RBPJ: variants seen among roughly 807,000 people sequenced by gnomAD.
The protein encoded by RBPJ is recombination signal binding protein for immunoglobulin kappa J region.
A neutral mutation model predicts 67.8 loss-of-function variants in RBPJ; 9 were observed. The observed-to-expected ratio is 0.13, with a 90% CI of 0.08 to 0.23. The LOEUF (loss-of-function observed/expected upper bound fraction) is 0.23, where lower values mean the gene tolerates loss of function less well. RBPJ is among the 10% of genes least tolerant of loss of function. The pLI is 1.00. For synonymous variants in RBPJ, 198 were observed against 203.3 expected, an observed-to-expected ratio of 0.97 and a Z score of 0.22; for missense variants, 305 against 595.6, an observed-to-expected ratio of 0.51 and a Z score of 5.08.
In RBPJ at chr4:26,286,429, C is replaced by T. The variant is rs576833526; in HGVS notation, c.-166-76017C>T. ...TCAAGGCTCTCGTGAGCTGTGGTCG[C>T]ACCACTGCACTCCAGCCTGTATGAA... On this transcript the variant is annotated intron_variant, in intron 1 of 4. Transcript: ENST00000512351. Among the ~76,000 whole-genome samples, 4 of 144,384 alleles carry T rather than the reference C, an allele frequency of 2.8e-5. No individual in the cohort carries two copies. The South Asian group carries it at 8.6e-4, about 31-fold the overall frequency. The allele number at this position is 144,384 out of a possible 152,430, so 94.7% of individuals were successfully genotyped here. A position where few individuals can be genotyped will look rare whatever the true frequency, so the allele number is the denominator to read the frequency against.
chr4:26,341,998 C>T (rs35323831), intron 1 of RBPJ, among the ~76,000 whole-genome samples: 63,581 of 152,006 alleles, frequency 0.42, 15,483 homozygotes, highest in Non-Finnish European at 0.53. Context: ...AAGCAGAGTT[C>T]TCACAGTGGC....
chr4:26,402,027 T>G (rs1486176341), intron 2 of RBPJ, among the ~76,000 whole-genome samples: 1 of 151,988 alleles, frequency 6.6e-6, no homozygotes, highest in African/African-American at 2.4e-5. Context: ...TAGCTGGGAT[T>G]TCAGGCATGT....
chr4:26,261,869 A>G (rs762135074), intron 1 of RBPJ, among the ~76,000 whole-genome samples: 13 of 152,244 alleles, frequency 8.5e-5, no homozygotes, highest in Non-Finnish European at 1.5e-4. Flanking sequence ...TCAGCCATTT[A>G]TACCAGAACT....
upstream of RBPJ, among the ~76,000 whole-genome samples, chr4:26,314,762 C>T (rs999564555): frequency 2.6e-5 from 4 of 152,114 alleles, no homozygotes; most frequent in African/African-American, 9.7e-5. Flanking sequence ...CTTTATTACC[C>T]AGTCTTAGGT....
chr4:26,338,104 TCATC>T (rs1725066269), intron 1 of RBPJ, among the ~76,000 whole-genome samples: 1 of 150,956 alleles, frequency 6.6e-6, no homozygotes, highest in Non-Finnish European at 1.5e-5. Context: ...TGTTTTTTTT[TCATC>T]TTCCTCACCC....
At chr4:26,221,343 G>C (rs1303356657) in intron 1 of RBPJ, among the ~76,000 whole-genome samples, 1 of 152,262 alleles carries the variant, frequency 6.6e-6, no homozygotes, top group South Asian at 2.1e-4. Flanking sequence ...ACCCGCCTCC[G>C]CCTCTCAAAG....
At chr4:26,274,420 G>A (rs548991030) in intron 1 of RBPJ, among the ~76,000 whole-genome samples, 11 of 152,308 alleles carry the variant, frequency 7.2e-5, no homozygotes, top group African/African-American at 2.6e-4. Context: ...GTGATCCCAG[G>A]AGTTCAAGAC....
chr4:26,431,204 A>G lies in RBPJ; in HGVS notation c.*197A>G, dbSNP rs1361284928. 1.4e-5 allele frequency: 6 copies of G among 426,870 alleles called. No individual in the cohort carries two copies. The highest frequency in any genetic ancestry group is 4.1e-5 in the African/African-American group (2 of 48,564). 26.4% of individuals were successfully genotyped at this position (426,870 alleles called of 1,614,324 possible). A position where few individuals can be genotyped will look rare whatever the true frequency, so the allele number is the denominator to read the frequency against. On this transcript the variant is annotated 3_prime_UTR_variant, in exon 11 of 11. Coordinates refer to ENST00000355476, the MANE Select transcript of RBPJ (RefSeq NM_015874.6). ...CACAGTAAAAAAAAAAAAAAAAAAA[A>G]AAAAAAAGAAAAAAAAATCAAAATG...
rs1719832090 is a variant in RBPJ, at chr4:26,244,397, G to GCACATATGTGTA, written c.-167+80794_-167+80795insACACATATGTGT. Among the ~76,000 whole-genome samples, 2 of 1,360 alleles carry GCACATATGTGTA rather than the reference G, an allele frequency of 1.5e-3. 1 individual carries two copies. Among genetic ancestry groups the GCACATATGTGTA allele is most frequent in the African/African-American group, 4.6e-3 (2 of 438 alleles). The allele number at this position is 1,360 out of a possible 152,430, so 0.9% of individuals were successfully genotyped here. A position where few individuals can be genotyped will look rare whatever the true frequency, so the allele number is the denominator to read the frequency against. ...TGTACACGTGTGTGTATATATGTAT[G>GCACATATGTGTA]CACATATGTGTGTATACATATGTGT... On this transcript the variant is annotated intron_variant, in intron 1 of 4. Transcript: ENST00000512351.
At chr4:26,211,162 T>C (rs1479246820) in intron 1 of RBPJ, among the ~76,000 whole-genome samples, 1 of 152,164 alleles carries the variant, frequency 6.6e-6, no homozygotes, top group South Asian at 2.1e-4. Context: ...TCTGAAATTA[T>C]ATAGAAAGTA....
At chr4:26,320,790 C>A, upstream of RBPJ, 1 of 1,555,730 alleles carries the variant, frequency 6.4e-7, no homozygotes, top group South Asian at 1.2e-5. Context: ...CGCGGAGGAG[C>A]CGCCTGCGCA....
At chr4:26,372,455 C>G (rs889842491) in intron 1 of RBPJ, among the ~76,000 whole-genome samples, 1 of 152,190 alleles carries the variant, frequency 6.6e-6, no homozygotes, top group Non-Finnish European at 1.5e-5. Context: ...GGGCGATTGA[C>G]TAGACAGTTA....
At chr4:26,258,179 T>TGTA (rs1334652675) in intron 1 of RBPJ, among the ~76,000 whole-genome samples, 1 of 152,246 alleles carries the variant, frequency 6.6e-6, no homozygotes, top group Admixed American at 6.5e-5. Context: ...CAATAGAAGC[T>TGTA]GTAGTCATTC....
chr4:26,170,014 C>A (rs1256719589), intron 1 of RBPJ, among the ~76,000 whole-genome samples: 2 of 152,104 alleles, frequency 1.3e-5, no homozygotes, highest in Non-Finnish European at 2.9e-5. Context: ...ACTCCCTGAC[C>A]CCTTGCGCTT....
chr4:26,308,507 A>C (rs1481225168), intron 1 of RBPJ, among the ~76,000 whole-genome samples: 1 of 152,254 alleles, frequency 6.6e-6, no homozygotes, highest in African/African-American at 2.4e-5. Context: ...TTAAAAAATT[A>C]ATTAGAATAA....
Position 26,393,955 on chromosome 4 carries a change from G to T in RBPJ, c.59+7564G>T, listed in dbSNP as rs531510166. 1.3e-4 allele frequency among the ~76,000 whole-genome samples: 19 copies of T among 151,758 alleles called. No individual in the cohort carries two copies. In the East Asian group the frequency reaches 3.7e-3, roughly 29 times the overall value. ...TAGGTAGTGTTCTAAACATAGTTCT[G>T]CCTACACAGAGTTTAAACTTTTGAT... On this transcript the variant is annotated intron_variant, in intron 2 of 10. Coordinates refer to ENST00000355476, the MANE Select transcript of RBPJ (RefSeq NM_015874.6).
At chr4:26,184,534 G>A (rs1262418528) in intron 1 of RBPJ, among the ~76,000 whole-genome samples, 2 of 152,148 alleles carry the variant, frequency 1.3e-5, no homozygotes, top group African/African-American at 2.4e-5. Flanking sequence ...AACTGACTTA[G>A]TAGGATTCTT....
chr4:26,338,156 C>CTTT (rs773976269), intron 1 of RBPJ, among the ~76,000 whole-genome samples: 6 of 89,026 alleles, frequency 6.7e-5, no homozygotes, highest in African/African-American at 1.4e-4. Context: ...ATTTTTCTTT[C>CTTT]TTTTTTTTTT....
intron 1 of RBPJ, among the ~76,000 whole-genome samples, chr4:26,240,935 G>A (rs1345283673): frequency 6.6e-6 from 1 of 152,072 alleles, no homozygotes; most frequent in South Asian, 2.1e-4. Flanking sequence ...AGCAAATCAA[G>A]GCTTTACTAA....
Sources: allele counts gnomAD v4.1 joint callset (sites outside exome capture counted in the v4.1 genomes callset), GRCh38; gene constraint gnomAD v4.1.1; transcripts MANE v1.5; gene names NCBI Gene and HGNC (gene_info 2026-07-23, HGNC 2026-07-21).